The following IQCF1 variants were observed in gnomAD, a reference collection of about 807,000 sequenced individuals.
IQCF1 encodes the protein IQ motif containing F1, also known as IQ domain-containing protein F1.
A neutral mutation model predicts 12.5 loss-of-function variants in IQCF1; 9 were observed. The ratio of observed to expected loss-of-function variants is 0.72; its 90% CI spans 0.43 to 1.26. The LOEUF (loss-of-function observed/expected upper bound fraction) is 1.26, where lower values mean the gene tolerates loss of function less well. Among genes scored for constraint, IQCF1 ranks in the 50% most tolerant of loss-of-function variants. The pLI, the probability that IQCF1 is intolerant of heterozygous loss-of-function variation, is 0.00. For missense variants in IQCF1, 252 were observed against 257.4 expected (o/e 0.98, Z 0.14); for synonymous variants, 67 against 96.2 (o/e 0.70, Z 1.78).
chr3:51,899,513 G>A (rs1318313255), intron 2 of IQCF1, among the ~76,000 whole-genome samples: 1 of 152,190 alleles, frequency 6.6e-6, no homozygotes, highest in African/African-American at 2.4e-5. Flanking sequence ...TAAGAATGTG[G>A]ATTTTTACCT....
intron 2 of IQCF1, among the ~76,000 whole-genome samples, chr3:51,898,256 CAGAG>C (rs34717502): frequency 3.6e-3 from 524 of 147,338 alleles, no homozygotes; most frequent in Admixed American, 3.2e-3. Context: ...AAGAGGGAGT[CAGAG>C]AGAGAGAGAG....
At position 51,895,368 on chromosome 3, in the gene IQCF1, A is replaced by G. The variant is rs759020500; in HGVS notation, c.172-32T>C. ...AGAAAAAAAGAGGGACCTTCAGAGA[A>G]TGCTCCCCACTGGCTTCAGCTCTGG... On this transcript the variant is annotated intron_variant, in intron 3 of 3. Coordinates refer to ENST00000310914, the MANE Select transcript of IQCF1 (RefSeq NM_152397.3). The surrounding 1 kb of genome is among the most constrained non-coding windows in gnomAD (Gnocchi z 4.8). 16 of 1,575,346 alleles carry G rather than the reference A, an allele frequency of 1.0e-5. No individual in the cohort carries two copies. Among genetic ancestry groups the G allele is most frequent in the South Asian group, 2.3e-5 (2 of 86,164 alleles).
Position 51,895,463 on chromosome 3 carries a change from C to A in IQCF1, c.172-127G>T. 1 of 810,960 alleles carries A rather than the reference C, an allele frequency of 1.2e-6. No individual in the cohort carries two copies. The highest frequency in any genetic ancestry group is 1.9e-6 in the Non-Finnish European group (1 of 525,266). The allele number at this position is 810,960 out of a possible 1,614,324, so 50.2% of individuals were successfully genotyped here. ...TTTTCTGGAATTCAGGAGCACTGGGCAGGGCACTGGCTGGAACCAGAAGAT... is the reference window on the plus strand; with the variant it reads ...TTTTCTGGAATTCAGGAGCACTGGGAAGGGCACTGGCTGGAACCAGAAGAT... On this transcript the variant is annotated intron_variant, in intron 3 of 3. Coordinates refer to ENST00000310914, the MANE Select transcript of IQCF1 (RefSeq NM_152397.3). The surrounding 1 kb of genome is among the most constrained non-coding windows in gnomAD (Gnocchi z 4.8).
At chr3:51,896,923 A>C in intron 2 of IQCF1, 29 bp from the exon 3 acceptor site, 1 of 1,566,594 alleles carries the variant, frequency 6.4e-7, no homozygotes, top group Non-Finnish European at 8.8e-7. Context: ...AAGAGAACAG[A>C]CAAGATTGAG....
intron 2 of IQCF1, among the ~76,000 whole-genome samples, chr3:51,898,021 T>G (rs1699031752): frequency 6.6e-6 from 1 of 152,050 alleles, no homozygotes; most frequent in African/African-American, 2.4e-5. Context: ...AAACCTCCAG[T>G]AGTAAGAAAA....
chr3:51,902,803 G>A (rs1213913088), intron 2 of IQCF1, 182 bp downstream of exon 2: 2 of 658,630 alleles, frequency 3.0e-6, no homozygotes, highest in Non-Finnish European at 5.5e-6. Flanking sequence ...TGCTCCATCT[G>A]TAAGGGCGCA....
At chr3:51,896,566 C>G (rs1212161161) in intron 3 of IQCF1, among the ~76,000 whole-genome samples, 1 of 152,122 alleles carries the variant, frequency 6.6e-6, no homozygotes, top group Admixed American at 6.6e-5. Context: ...GTCAACATGT[C>G]ATAGTATTAA....
chr3:51,902,917 T>C, intron 2 of IQCF1, 68 bp downstream of exon 2: 3 of 1,159,494 alleles, frequency 2.6e-6, no homozygotes, highest in Non-Finnish European at 2.6e-6. Flanking sequence ...AACAGCACCA[T>C]GCAAAAGACA....
intron 2 of IQCF1, chr3:51,902,750 T>A (rs140761768): frequency 2.1e-6 from 1 of 487,242 alleles, no homozygotes; most frequent in African/African-American, 2.0e-5. Flanking sequence ...GCATCAGGGA[T>A]AAGAACCCCT....
intron 2 of IQCF1, among the ~76,000 whole-genome samples, chr3:51,899,273 G>A (rs1699049165): frequency 6.6e-6 from 1 of 152,096 alleles, no homozygotes; most frequent in South Asian, 2.1e-4. Flanking sequence ...AAATTAACTG[G>A]TTGTTTAAAG....
At chr3:51,896,182 A>G (rs1699000640) in intron 3 of IQCF1, among the ~76,000 whole-genome samples, 1 of 152,206 alleles carries the variant, frequency 6.6e-6, no homozygotes, top group Non-Finnish European at 1.5e-5. Flanking sequence ...AGACTTCAAA[A>G]GAACTTTGGT....
chr3:51,897,789 C>T (rs973361991), intron 2 of IQCF1, among the ~76,000 whole-genome samples: 5 of 152,184 alleles, frequency 3.3e-5, no homozygotes, highest in African/African-American at 9.7e-5. Context: ...TGGACAGTGA[C>T]GAGTCCTACT....
In IQCF1 at chr3:51,894,992, C is replaced by T. The variant is rs760759188; in HGVS notation, c.516G>A (p.Gln172=). The change falls in exon 4 of 4, where the codon CAG becomes CAA. Residue 172 remains glutamine, a synonymous_variant. Coordinates refer to ENST00000310914, the MANE Select transcript of IQCF1 (RefSeq NM_152397.3). The part of the protein sequence containing the change: ...SCASRGFIKG[Q]YRVTANQLHL... Reference sequence around the variant, plus strand: ...GCAGCTGGTTGGCTGTGACTCTGTACTGGCCCTTGATGAACCCCCGGGAAG... The same window carrying T: ...GCAGCTGGTTGGCTGTGACTCTGTATTGGCCCTTGATGAACCCCCGGGAAG... The T allele has an allele frequency of 6.2e-7, 1 of 1,614,254 alleles. No individual in the cohort carries two copies. Among genetic ancestry groups the T allele is most frequent in the African/African-American group, 1.3e-5 (1 of 75,066 alleles).
chr3:51,894,992 C>G lies in IQCF1; in HGVS notation c.516G>C (p.Gln172His). 6.2e-7 allele frequency: 1 copy of G among 1,614,254 alleles called. No individual in the cohort carries two copies. Among genetic ancestry groups the G allele is most frequent in the South Asian group, 1.1e-5 (1 of 91,086 alleles). Residue 172 changes from glutamine to histidine, a missense_variant, in exon 4 of 4, where the codon CAG (glutamine) becomes CAC (histidine). Gln to His is a conservative substitution (Grantham distance 24). Coordinates refer to ENST00000310914, the MANE Select transcript of IQCF1 (RefSeq NM_152397.3). ...SCASRGFIKG[Q>H]YRVTANQLHL... ...GCAGCTGGTTGGCTGTGACTCTGTA[C>G]TGGCCCTTGATGAACCCCCGGGAAG...
In IQCF1 at chr3:51,895,647, T is replaced by C. The variant is rs558307634; in HGVS notation, c.172-311A>G. Among the ~76,000 whole-genome samples the C allele has an allele frequency of 2.6e-5, 4 of 152,210 alleles. No individual in the cohort carries two copies. The highest frequency in any genetic ancestry group is 5.9e-5 in the Non-Finnish European group (4 of 68,040). Reference sequence around the variant, plus strand: ...GTTGACCAGCAAGAACACTGTGATATAGGGTCAAAGGGTTACCATGTTCCA... The same window carrying C: ...GTTGACCAGCAAGAACACTGTGATACAGGGTCAAAGGGTTACCATGTTCCA... On this transcript the variant is annotated intron_variant, in intron 3 of 3. Transcript: ENST00000310914. This position sits in a 1 kb window ranked among gnomAD's most constrained non-coding sequence, Gnocchi z 4.8.
intron 2 of IQCF1, among the ~76,000 whole-genome samples, chr3:51,899,085 AAC>A (rs1239451517): frequency 6.6e-6 from 1 of 152,254 alleles, no homozygotes; most frequent in Non-Finnish European, 1.5e-5. Context: ...GCTGAAAGTT[AAC>A]AGTGTAACAT....
chr3:51,903,176 G>T, intron 1 of IQCF1, 87 bp from the exon 2 acceptor site: 1 of 1,588,574 alleles, frequency 6.3e-7, no homozygotes. Flanking sequence ...AGCTTCCAGG[G>T]CTTCTTAGAG....
Position 51,896,871 on chromosome 3 carries a change from C to G in IQCF1, c.132G>C (p.Glu44Asp). ...KAEAKTPVLVETQTVDNANEK... is the reference protein window; with the variant it reads ...KAEAKTPVLVDTQTVDNANEK... The stretch of plus-strand genomic sequence containing the variant: ...CATTGGCATTGTCCACTGTCTGTGT[C>G]TCAACCAGAACTGGAGTTTTAGCCT... The change falls in exon 3 of 4, where the codon GAG (glutamate) becomes GAC (aspartate). Residue 44 changes from glutamate (E) to aspartate (D), a missense_variant. Glu to Asp is a conservative substitution (Grantham distance 45). Transcript: ENST00000310914. 1 of 1,613,470 alleles carries G rather than the reference C, an allele frequency of 6.2e-7. No homozygotes were observed. Among genetic ancestry groups the G allele is most frequent in the Non-Finnish European group, 8.5e-7 (1 of 1,179,472 alleles).
intron 2 of IQCF1, among the ~76,000 whole-genome samples, chr3:51,898,990 G>C (rs1046092602): frequency 2.0e-5 from 3 of 152,240 alleles, no homozygotes; most frequent in African/African-American, 7.2e-5. Context: ...CCAATTCTAA[G>C]TTAATATGGA....
Sources: gnomAD v4.1 joint callset for allele counts (sites outside exome capture counted in the v4.1 genomes callset) on GRCh38, gnomAD v4.1.1 for gene constraint, Gnocchi (gnomAD v3.1) non-coding constraint, MANE v1.5 for transcripts, NCBI Gene and HGNC (gene_info 2026-07-23, HGNC 2026-07-21) for gene names.